FSTL5: variants seen among roughly 807,000 people sequenced by gnomAD.
FSTL5 encodes the protein follistatin-related protein 5.
FSTL5 carries 62 observed loss-of-function variants against 89.1 expected under a neutral mutation model. The observed-to-expected ratio is 0.70, with a 90% CI of 0.57 to 0.86. The LOEUF (loss-of-function observed/expected upper bound fraction) is 0.86. Among genes scored for constraint, FSTL5 ranks in the 40% least tolerant of loss-of-function variants. The pLI is 0.00. For missense variants in FSTL5, 1,057 were observed against 1,001.6 expected (o/e 1.06, Z -0.75); for synonymous variants, 383 against 346.2 (o/e 1.11, Z -1.18).
chr4:162,022,565 A>G (rs1737130083), intron 3 of FSTL5, among the ~76,000 whole-genome samples: 2 of 152,290 alleles, frequency 1.3e-5, no homozygotes, highest in South Asian at 2.1e-4. Flanking sequence ...GTAAACCATA[A>G]GTTAGACTCC....
At chr4:161,800,974 C>T (rs1003337475) in intron 4 of FSTL5, among the ~76,000 whole-genome samples, 5 of 151,310 alleles carry the variant, frequency 3.3e-5, no homozygotes, top group Non-Finnish European at 5.9e-5. Context: ...TTTCTTTCAA[C>T]GGGAGTTTGG....
intron 6 of FSTL5, among the ~76,000 whole-genome samples, chr4:161,697,092 C>T (rs1370590875): frequency 6.6e-6 from 1 of 152,208 alleles, no homozygotes; most frequent in East Asian, 1.9e-4. Context: ...GCCCTGTCAA[C>T]ACACAACTCA....
intron 4 of FSTL5, among the ~76,000 whole-genome samples, chr4:161,853,800 G>T (rs1731635876): frequency 6.6e-6 from 1 of 152,050 alleles, no homozygotes; most frequent in Non-Finnish European, 1.5e-5. Flanking sequence ...ATTAAAAATG[G>T]TTTACCCAGG....
chr4:161,522,067 G>C (rs1006882884), intron 10 of FSTL5, among the ~76,000 whole-genome samples: 1 of 151,778 alleles, frequency 6.6e-6, no homozygotes, highest in East Asian at 1.9e-4. Context: ...TCTCCCCTTC[G>C]TTTCAGTCCC....
intron 4 of FSTL5, among the ~76,000 whole-genome samples, chr4:161,819,811 T>C (rs1485287560): frequency 6.6e-6 from 1 of 152,132 alleles, no homozygotes; most frequent in East Asian, 1.9e-4. Context: ...AACTCATCTT[T>C]AGTAATAGTA....
At chr4:161,622,019 T>A (rs903511558) in intron 7 of FSTL5, among the ~76,000 whole-genome samples, 2 of 151,442 alleles carry the variant, frequency 1.3e-5, no homozygotes, top group African/African-American at 4.8e-5. Context: ...TAAAATAAAA[T>A]AAAAATACTA....
At chr4:161,410,482 C>T (rs561864299) in intron 15 of FSTL5, among the ~76,000 whole-genome samples, 1 of 152,130 alleles carries the variant, frequency 6.6e-6, no homozygotes, top group Non-Finnish European at 1.5e-5. Flanking sequence ...AGTCATAAAG[C>T]AAGCCTCCAC....
chr4:161,594,142 A>G (rs1260463849), intron 7 of FSTL5, among the ~76,000 whole-genome samples: 3 of 152,174 alleles, frequency 2.0e-5, no homozygotes, highest in African/African-American at 7.2e-5. Context: ...AGTCTCCATA[A>G]CATAGACATA....
intron 6 of FSTL5, among the ~76,000 whole-genome samples, chr4:161,683,941 C>G (rs981269535): frequency 2.0e-5 from 3 of 152,142 alleles, no homozygotes; most frequent in Non-Finnish European, 4.4e-5. Flanking sequence ...TTGTGTCATT[C>G]TTATGCCTTT....
chr4:161,971,128 T>A (rs1046931011), intron 3 of FSTL5, among the ~76,000 whole-genome samples: 3 of 152,172 alleles, frequency 2.0e-5, no homozygotes, highest in African/African-American at 7.2e-5. Flanking sequence ...AATGCTTATT[T>A]TTGTATATTT....
chr4:161,759,083 G>A (rs1740683988), intron 6 of FSTL5, among the ~76,000 whole-genome samples: 1 of 152,092 alleles, frequency 6.6e-6, no homozygotes, highest in Non-Finnish European at 1.5e-5. Flanking sequence ...GTAAATAATT[G>A]TTTTTGATAC....
intron 3 of FSTL5, among the ~76,000 whole-genome samples, chr4:162,027,833 G>A (rs899913435): frequency 2.0e-5 from 3 of 152,054 alleles, no homozygotes; most frequent in Admixed American, 1.3e-4. Context: ...ATATTTTGCT[G>A]TGAGGTAAGT....
At chr4:161,995,131 G>A (rs919188316) in intron 3 of FSTL5, among the ~76,000 whole-genome samples, 2 of 151,892 alleles carry the variant, frequency 1.3e-5, no homozygotes, top group African/African-American at 2.4e-5. Flanking sequence ...TATTAATAGA[G>A]GTGTACTCTG....
intron 8 of FSTL5, among the ~76,000 whole-genome samples, chr4:161,564,952 A>T (rs1732746612): frequency 6.6e-6 from 1 of 151,938 alleles, no homozygotes; most frequent in African/African-American, 2.4e-5. Context: ...TATATTTTCT[A>T]TTGATAATAT....
chr4:162,091,854 G>C (rs1730561519), intron 2 of FSTL5, among the ~76,000 whole-genome samples: 1 of 151,470 alleles, frequency 6.6e-6, no homozygotes, highest in Non-Finnish European at 1.5e-5. Flanking sequence ...ACTTTTATTA[G>C]TTATATTTAT....
chr4:161,566,122 A>G lies in FSTL5; in HGVS notation c.1015+21333T>C, dbSNP rs1274032316. ...GGACTATATATATATATATATATATATATATATATATATACACACACACAC... is the reference window on the plus strand; with the variant it reads ...GGACTATATATATATATATATATATGTATATATATATATACACACACACAC... On this transcript the variant is annotated intron_variant, in intron 8 of 15. Transcript: ENST00000306100. Among the ~76,000 whole-genome samples the G allele has an allele frequency of 4.5e-4, 53 of 118,026 alleles. 1 individual carries two copies. In the East Asian group the frequency reaches 9.5e-3, roughly 21 times the overall value. The allele number at this position is 118,026 out of a possible 152,430, so 77.4% of individuals were successfully genotyped here.
Position 162,077,080 on chromosome 4 carries a change from G to A in FSTL5, c.126+34191C>T, listed in dbSNP as rs1197852955. 2.0e-5 allele frequency among the ~76,000 whole-genome samples: 3 copies of A among 151,748 alleles called. No individual in the cohort carries two copies. In the East Asian group the frequency reaches 5.8e-4, roughly 30 times the overall value. On this transcript the variant is annotated intron_variant, in intron 2 of 15. Coordinates refer to ENST00000306100, the MANE Select transcript of FSTL5 (RefSeq NM_020116.5). Reference sequence around the variant, plus strand: ...GTTAAAAACTGGATACCTGTCACTAGGTAATTTATAACAAAATATATTTGT... The same window carrying A: ...GTTAAAAACTGGATACCTGTCACTAAGTAATTTATAACAAAATATATTTGT...
chr4:161,509,847 G>A (rs1316996928), intron 11 of FSTL5, among the ~76,000 whole-genome samples: 1 of 152,110 alleles, frequency 6.6e-6, no homozygotes, highest in African/African-American at 2.4e-5. Context: ...TATGAAAATG[G>A]ATACTGTTTA....
At chr4:161,517,872 A>T (rs1014971761) in intron 10 of FSTL5, among the ~76,000 whole-genome samples, 3 of 152,192 alleles carry the variant, frequency 2.0e-5, no homozygotes, top group Non-Finnish European at 4.4e-5. Context: ...GATTTAAGAA[A>T]CTGACTTAAC....
Sources: allele counts gnomAD v4.1 joint callset (sites outside exome capture counted in the v4.1 genomes callset), GRCh38; gene constraint gnomAD v4.1.1; transcripts MANE v1.5; gene names NCBI Gene and HGNC (gene_info 2026-07-23, HGNC 2026-07-21).